Variants in DPP10 observed in about 807,000 individuals in gnomAD.
DPP10 encodes inactive dipeptidyl peptidase 10.
Under a neutral mutation model 120.9 loss-of-function variants are expected in DPP10, and 33 were observed. The observed-to-expected ratio is 0.27, with a 90% CI of 0.21 to 0.37. The LOEUF is 0.37. Ranked by LOEUF, DPP10 falls within the 10% of genes least tolerant of loss-of-function variation. The pLI is 1.00. For missense variants in DPP10, 816 were observed against 942.8 expected (o/e 0.87, Z 1.76); for synonymous variants, 337 against 326.1 (o/e 1.03, Z -0.36).
intron 1 of DPP10, among the ~76,000 whole-genome samples, chr2:114,650,867 A>G (rs566218582): frequency 6.6e-6 from 1 of 152,204 alleles, no homozygotes; most frequent in South Asian, 2.1e-4. Context: ...TTCCTATCTC[A>G]GGGCCTTGGT....
intron 1 of DPP10, among the ~76,000 whole-genome samples, chr2:115,016,445 C>T (rs138010253): frequency 6.2e-4 from 94 of 152,140 alleles, no homozygotes; most frequent in Admixed American, 1.8e-3. Flanking sequence ...TAGGCATGGG[C>T]GAAGACTTCA....
chr2:114,847,392 C>T (rs993728233), intron 1 of DPP10, among the ~76,000 whole-genome samples: 3 of 152,170 alleles, frequency 2.0e-5, no homozygotes, highest in Non-Finnish European at 4.4e-5. Flanking sequence ...GTAAAGGTGA[C>T]CCTTCTTCCT....
intron 5 of DPP10, among the ~76,000 whole-genome samples, chr2:115,607,341 G>A (rs2083768165): frequency 1.3e-5 from 2 of 152,094 alleles, no homozygotes; most frequent in Non-Finnish European, 2.9e-5. Flanking sequence ...AACATAGATA[G>A]GGATAAAAGC....
chr2:115,349,052 C>G (rs1293046014), intron 3 of DPP10, among the ~76,000 whole-genome samples: 1 of 152,030 alleles, frequency 6.6e-6, no homozygotes, highest in African/African-American at 2.4e-5. Flanking sequence ...AATGAGTGCT[C>G]CATAAATAGT....
chr2:115,189,657 C>A (rs1212064552), intron 1 of DPP10, among the ~76,000 whole-genome samples: 1 of 151,842 alleles, frequency 6.6e-6, no homozygotes, highest in Non-Finnish European at 1.5e-5. Flanking sequence ...AGTTGTTCTG[C>A]TTGATTCTCT....
intron 1 of DPP10, among the ~76,000 whole-genome samples, chr2:114,821,254 T>G (rs184085902): frequency 6.6e-6 from 1 of 151,780 alleles, no homozygotes; most frequent in East Asian, 1.9e-4. Context: ...GGCACCATGA[T>G]GTTCTACACA....
chr2:114,805,034 C>T (rs1303465828), intron 1 of DPP10, among the ~76,000 whole-genome samples: 3 of 152,166 alleles, frequency 2.0e-5, no homozygotes, highest in Non-Finnish European at 4.4e-5. Context: ...CTTTCCCGTG[C>T]TATTCTCATA....
chr2:114,731,479 A>T (rs1271018933), intron 1 of DPP10, among the ~76,000 whole-genome samples: 2 of 152,106 alleles, frequency 1.3e-5, no homozygotes, highest in African/African-American at 4.8e-5. Flanking sequence ...GGGTGTTTAC[A>T]GTGTACCTTC....
chr2:115,758,883 A>G (rs1270133397), intron 11 of DPP10, among the ~76,000 whole-genome samples: 2 of 152,036 alleles, frequency 1.3e-5, no homozygotes, highest in African/African-American at 4.8e-5. Flanking sequence ...CCGATTGGAT[A>G]AAAAAAATTG....
intron 1 of DPP10, among the ~76,000 whole-genome samples, chr2:115,277,530 G>A (rs2059971329): frequency 8.5e-6 from 1 of 117,540 alleles, no homozygotes; most frequent in Non-Finnish European, 1.6e-5. Context: ...TTATGTTACA[G>A]AAGAAAATGT....
chr2:114,658,955 A>G (rs759563867), intron 1 of DPP10, among the ~76,000 whole-genome samples: 11 of 152,152 alleles, frequency 7.2e-5, no homozygotes, highest in Non-Finnish European at 1.3e-4. Context: ...GGTTTCTCCC[A>G]TGCCGTTCTC....
At chr2:115,417,785 G>A (rs1166279988) in intron 3 of DPP10, among the ~76,000 whole-genome samples, 1 of 152,128 alleles carries the variant, frequency 6.6e-6, no homozygotes, top group Non-Finnish European at 1.5e-5. Context: ...GGTAGTTTAT[G>A]TTAATTTTTC....
chr2:115,169,641 C>T (rs548945430), intron 1 of DPP10, among the ~76,000 whole-genome samples: 2 of 152,002 alleles, frequency 1.3e-5, no homozygotes, highest in African/African-American at 2.4e-5. Flanking sequence ...AGTTTGGTGC[C>T]CAGGAATGAT....
chr2:114,754,029 T>C (rs1679498769), intron 1 of DPP10, among the ~76,000 whole-genome samples: 1 of 150,778 alleles, frequency 6.6e-6, no homozygotes, highest in Non-Finnish European at 1.5e-5. Flanking sequence ...ATATGTAAAA[T>C]GCTTAGTGAT....
chr2:114,859,144 T>C (rs1410697289), intron 1 of DPP10, among the ~76,000 whole-genome samples: 1 of 150,728 alleles, frequency 6.6e-6, no homozygotes, highest in African/African-American at 2.4e-5. Flanking sequence ...CTGGCCAAGA[T>C]AGCGAAACTC....
chr2:115,678,744 C>T (rs1402463129), intron 5 of DPP10, among the ~76,000 whole-genome samples: 1 of 152,232 alleles, frequency 6.6e-6, no homozygotes, highest in African/African-American at 2.4e-5. Context: ...GGAAAAGCTG[C>T]AGGCACTCAA....
At chr2:114,454,987 G>A (rs907092706) in intron 1 of DPP10, among the ~76,000 whole-genome samples, 5 of 152,088 alleles carry the variant, frequency 3.3e-5, no homozygotes, top group African/African-American at 1.2e-4. Context: ...GTGAGTGAAG[G>A]CCATCCAATG....
intron 1 of DPP10, among the ~76,000 whole-genome samples, chr2:114,618,518 C>T (rs1249933252): frequency 2.0e-5 from 3 of 151,906 alleles, no homozygotes; most frequent in Non-Finnish European, 4.4e-5. Context: ...TTTCAGGAAA[C>T]ACACTCAATA....
intron 1 of DPP10, among the ~76,000 whole-genome samples, chr2:114,514,667 C>T (rs1283436835): frequency 1.3e-5 from 2 of 152,060 alleles, no homozygotes; most frequent in African/African-American, 4.8e-5. Context: ...ACCACTGAGG[C>T]AGCAATGGCA....
Sources: gnomAD v4.1 joint callset for allele counts (sites outside exome capture counted in the v4.1 genomes callset) on GRCh38, gnomAD v4.1.1 for gene constraint, MANE v1.5 for transcripts, NCBI Gene and HGNC (gene_info 2026-07-23, HGNC 2026-07-21) for gene names.